The following MYT1L variants were observed in gnomAD, a reference collection of about 807,000 sequenced individuals.
MYT1L encodes the protein myelin transcription factor 1-like protein.
A neutral mutation model predicts 126.7 loss-of-function variants in MYT1L; 12 were observed. That is an observed-to-expected ratio of 0.09 (90% CI 0.06 to 0.15). The LOEUF is 0.15. Ranked by LOEUF, MYT1L falls within the 10% of genes least tolerant of loss-of-function variation. The probability of loss-of-function intolerance (pLI) is 1.00; values close to 1 mark genes in which losing one functional copy is unlikely to be tolerated. For synonymous variants in MYT1L, 541 were observed against 604.2 expected (o/e 0.90, Z 1.53); for missense variants, 979 against 1,585.2 (o/e 0.62, Z 6.49).
At chr2:2,063,883 T>C (rs951854424) in intron 3 of MYT1L, among the ~76,000 whole-genome samples, 7 of 152,130 alleles carry the variant, frequency 4.6e-5, no homozygotes, top group African/African-American at 1.7e-4. Flanking sequence ...CCACGTTTCC[T>C]TGATAATTCC....
intron 9 of MYT1L, among the ~76,000 whole-genome samples, chr2:1,942,056 A>G (rs1033409474): frequency 2.0e-5 from 3 of 152,180 alleles, no homozygotes; most frequent in Non-Finnish European, 2.9e-5. Context: ...AGAACTTTTG[A>G]GCCCAAGGGA....
At chr2:1,898,497 C>T (rs2049910975) in intron 14 of MYT1L, among the ~76,000 whole-genome samples, 1 of 152,216 alleles carries the variant, frequency 6.6e-6, no homozygotes, top group Non-Finnish European at 1.5e-5. Flanking sequence ...GTTTCAGGCT[C>T]TCTTTTCCTC....
intron 5 of MYT1L, among the ~76,000 whole-genome samples, chr2:1,993,738 T>C (rs1034202173): frequency 2.6e-5 from 4 of 152,206 alleles, no homozygotes; most frequent in Non-Finnish European, 5.9e-5. Flanking sequence ...AAGAAAACAT[T>C]CCACGCCCTT....
intron 3 of MYT1L, among the ~76,000 whole-genome samples, chr2:2,089,353 A>C (rs868027827): frequency 6.6e-6 from 1 of 152,238 alleles, no homozygotes; most frequent in African/African-American, 2.4e-5. Context: ...ATTGTACCGA[A>C]AACTGCTGTA....
At chr2:2,306,427 G>A (rs1346029500) in intron 1 of MYT1L, among the ~76,000 whole-genome samples, 1 of 152,066 alleles carries the variant, frequency 6.6e-6, no homozygotes, top group African/African-American at 2.4e-5. Flanking sequence ...TTTCAAATAG[G>A]AGTCTGGACG....
chr2:1,862,027 T>C (rs13388842), intron 18 of MYT1L, among the ~76,000 whole-genome samples: 6,661 of 147,110 alleles, frequency 0.045, 246 homozygotes, highest in Non-Finnish European at 0.057. Context: ...ACTCGGGGGT[T>C]ACCTGATGTT....
intron 3 of MYT1L, among the ~76,000 whole-genome samples, chr2:2,158,333 G>A (rs2087083268): frequency 6.6e-6 from 1 of 152,164 alleles, no homozygotes; most frequent in Admixed American, 6.5e-5. Context: ...GAAAGGTTTG[G>A]CAGACTCCCG....
intron 2 of MYT1L, among the ~76,000 whole-genome samples, chr2:2,255,768 T>A (rs4473412): frequency 1.3e-5 from 2 of 151,832 alleles, no homozygotes; most frequent in Non-Finnish European, 2.9e-5. Flanking sequence ...CTGGCTGTTG[T>A]GAAACAAAGC....
At chr2:1,911,561 C>T (rs1272550677) in intron 12 of MYT1L, among the ~76,000 whole-genome samples, 2 of 152,122 alleles carry the variant, frequency 1.3e-5, no homozygotes, top group Non-Finnish European at 2.9e-5. Context: ...CCACAGACCA[C>T]CCCCCAACCT....
chr2:2,020,656 CT>C (rs2064934335), intron 4 of MYT1L, among the ~76,000 whole-genome samples: 1 of 152,162 alleles, frequency 6.6e-6, no homozygotes, highest in Admixed American at 6.5e-5. Flanking sequence ...TACTGCTGGT[CT>C]TTTGGCTTTG....
Position 1,929,186 on chromosome 2 carries a change from C to T in MYT1L, c.506-5923G>A, listed in dbSNP as rs1309982240. On this transcript the variant is annotated intron_variant, in intron 9 of 24. Transcript: ENST00000647738. The surrounding 1 kb of genome is among the most constrained non-coding windows in gnomAD (Gnocchi z 4.7). ...AGAGGGGAGAAGTCACTTTCCCAGC[C>T]CGGGTGGCCTTCAGTCGGGCACCTC... is the stretch of plus-strand genomic sequence containing the variant. Among the ~76,000 whole-genome samples the T allele has an allele frequency of 6.6e-6, 1 of 152,158 alleles. No homozygotes were observed. The highest frequency in any genetic ancestry group is 6.5e-5 in the Admixed American group (1 of 15,282).
At chr2:2,282,472 T>C (rs1311888047) in intron 2 of MYT1L, among the ~76,000 whole-genome samples, 1 of 152,334 alleles carries the variant, frequency 6.6e-6, no homozygotes, top group East Asian at 1.9e-4. Flanking sequence ...GTGTTTTCAA[T>C]AGCAGAGAAC....
rs1176372416 is a variant in MYT1L, at chr2:1,922,722, C to T, written c.1047G>A (p.Arg349=). ...GGATGTTCATGTTCTGCTGCGGATT[C>T]CTCTCCTGCGGGTTGGTCTCACTGA... ...RKLSETNPQE[R]NPQQNMNIRQ... is the part of the protein sequence containing the mutation. Residue 349 remains arginine (R), a synonymous_variant, in exon 10 of 25, where the codon AGG becomes AGA. Coordinates refer to ENST00000647738, the MANE Select transcript of MYT1L (RefSeq NM_001303052.2). The surrounding 1 kb of genome is among the most constrained non-coding windows in gnomAD (Gnocchi z 7.4). The T allele has an allele frequency of 6.2e-7, 1 of 1,613,802 alleles. No homozygotes were observed. The highest frequency in any genetic ancestry group is 1.3e-5 in the African/African-American group (1 of 74,898).
At chr2:2,026,327 TGAG>T (rs1441196329) in intron 4 of MYT1L, among the ~76,000 whole-genome samples, 7 of 152,004 alleles carry the variant, frequency 4.6e-5, no homozygotes, top group Admixed American at 1.3e-4. Context: ...CAGAGGAGAC[TGAG>T]GAGAAGGGTT....
At position 2,293,605 on chromosome 2, in the gene MYT1L, C is replaced by T. The variant is rs78183411; in HGVS notation, c.-520-9102G>A. On this transcript the variant is annotated intron_variant, in intron 1 of 24. Coordinates refer to ENST00000647738, the MANE Select transcript of MYT1L (RefSeq NM_001303052.2). ...GGGTCCCCGGGGAACAAAACACACCCCTGAGGAAGTAGTAACTGGTATAAG... is the reference window on the plus strand; with the variant it reads ...GGGTCCCCGGGGAACAAAACACACCTCTGAGGAAGTAGTAACTGGTATAAG... Among the ~76,000 whole-genome samples, 725 of 152,234 alleles carry T rather than the reference C, an allele frequency of 4.8e-3. 6 individuals are homozygous for T. The highest frequency in any genetic ancestry group is 0.016 in the African/African-American group (685 of 41,544).
chr2:2,014,910 G>A (rs902766680), intron 4 of MYT1L, among the ~76,000 whole-genome samples: 8 of 152,332 alleles, frequency 5.3e-5, no homozygotes, highest in Admixed American at 1.3e-4. Flanking sequence ...GGTGAGTCAG[G>A]ATACAAGGCT....
chr2:1,977,794 T>C (rs1388820813), intron 8 of MYT1L, among the ~76,000 whole-genome samples: 5 of 152,206 alleles, frequency 3.3e-5, no homozygotes, highest in Non-Finnish European at 7.3e-5. Context: ...ATTTTTCTCA[T>C]GGGTGACTAA....
At chr2:1,796,690 C>T (rs2033593033) in intron 23 of MYT1L, among the ~76,000 whole-genome samples, 1 of 151,310 alleles carries the variant, frequency 6.6e-6, no homozygotes, top group South Asian at 2.1e-4. Flanking sequence ...CCCAGCCTCC[C>T]AGCCGGCTCC....
intron 3 of MYT1L, among the ~76,000 whole-genome samples, chr2:2,150,280 A>G (rs1417231052): frequency 7.2e-5 from 11 of 152,176 alleles, no homozygotes; most frequent in Non-Finnish European, 1.6e-4. Flanking sequence ...CAAGAAGATA[A>G]AAAAAGCACT....
Sources: allele counts gnomAD v4.1 joint callset (sites outside exome capture counted in the v4.1 genomes callset), GRCh38; gene constraint gnomAD v4.1.1; non-coding constraint Gnocchi (gnomAD v3.1); transcripts MANE v1.5; gene names NCBI Gene and HGNC (gene_info 2026-07-23, HGNC 2026-07-21).